IFT88: variants seen among roughly 807,000 people sequenced by gnomAD.
IFT88 encodes the protein intraflagellar transport 88.
Under a neutral mutation model 119.5 loss-of-function variants are expected in IFT88, and 74 were observed. That is an observed-to-expected ratio of 0.62 (90% CI 0.51 to 0.75). IFT88 has a LOEUF of 0.75. Among genes scored for constraint, IFT88 ranks in the 30% least tolerant of loss-of-function variants. The probability of loss-of-function intolerance (pLI) is 0.00; values close to 1 mark genes in which losing one functional copy is unlikely to be tolerated. For missense variants in IFT88, 961 were observed against 977.7 expected (o/e 0.98, Z 0.23); for synonymous variants, 279 against 316.7 (o/e 0.88, Z 1.26).
At chr13:20,599,219 A>G (rs192360621) in intron 10 of IFT88, among the ~76,000 whole-genome samples, 73 of 152,228 alleles carry the variant, frequency 4.8e-4, no homozygotes, top group African/African-American at 1.6e-3. Context: ...GTAAAGCACA[A>G]TAATGTAAAT....
chr13:20,656,216 C>T, intron 21 of IFT88, 149 bp from the exon 22 acceptor site: 3 of 288,122 alleles, frequency 1.0e-5, no homozygotes, highest in Non-Finnish European at 6.7e-6. Context: ...TATACATTTT[C>T]TTCTAAAAGT....
At chr13:20,586,089 CA>C (rs2039613808) in intron 3 of IFT88, among the ~76,000 whole-genome samples, 1 of 152,134 alleles carries the variant, frequency 6.6e-6, no homozygotes, top group South Asian at 2.1e-4. Flanking sequence ...GGTGGGCCTT[CA>C]AAAGATCTTT....
At position 20,644,963 on chromosome 13, in the gene IFT88, G is replaced by C; in HGVS notation, c.1949+5G>C. The C allele has an allele frequency of 7.7e-7, 1 of 1,300,474 alleles. No homozygotes were observed. The highest frequency in any genetic ancestry group is 1.1e-6 in the Non-Finnish European group (1 of 907,826). The allele number at this position is 1,300,474 out of a possible 1,614,324, so 80.6% of individuals were successfully genotyped here. On this transcript the variant is annotated splice_donor_5th_base_variant and intron_variant, in intron 20 of 25. Coordinates refer to ENST00000351808, the MANE Select transcript of IFT88 (RefSeq NM_006531.5). ...TGAAAGAGCTTCTCTTATACAGTAAGTAATCATTAGGATTTTATGTTTAGT... is the reference window on the plus strand; with the variant it reads ...TGAAAGAGCTTCTCTTATACAGTAACTAATCATTAGGATTTTATGTTTAGT...
chr13:20,637,197 A>G (rs998540971), intron 16 of IFT88, among the ~76,000 whole-genome samples: 4 of 152,204 alleles, frequency 2.6e-5, no homozygotes, highest in African/African-American at 9.6e-5. Context: ...GTGGAAGTAG[A>G]TATTGGCAAT....
At chr13:20,636,679 C>T (rs1031929148) in intron 16 of IFT88, among the ~76,000 whole-genome samples, 1 of 152,366 alleles carries the variant, frequency 6.6e-6, no homozygotes, top group South Asian at 2.1e-4. Flanking sequence ...ACTCATGCTT[C>T]ACCATCTCTC....
At chr13:20,686,782 T>C (rs1442770432) in intron 24 of IFT88, among the ~76,000 whole-genome samples, 1 of 152,190 alleles carries the variant, frequency 6.6e-6, no homozygotes, top group Non-Finnish European at 1.5e-5. Context: ...CCATATTCTT[T>C]CTAAATTAGT....
intron 1 of IFT88, chr13:20,567,615 G>T: frequency 2.2e-6 from 1 of 452,172 alleles, no homozygotes; most frequent in Non-Finnish European, 3.0e-6. Context: ...TACTGCGCCA[G>T]CTCTGGAATC....
chr13:20,641,305 A>C lies in IFT88; in HGVS notation c.1589A>C (p.Lys530Thr). The C allele has an allele frequency of 6.2e-7, 1 of 1,608,160 alleles. No homozygotes were observed. Among genetic ancestry groups the C allele is most frequent in the Non-Finnish European group, 8.5e-7 (1 of 1,176,068 alleles). ...TTTTTTTAAGGCCTTACCTATGAGAAACTAAATCGGCTAGATGAGGCTTTG... is the reference window on the plus strand; with the variant it reads ...TTTTTTTAAGGCCTTACCTATGAGACACTAAATCGGCTAGATGAGGCTTTG... ...ALYNIGLTYE[K>T]LNRLDEALDC... Residue 530 changes from lysine (K) to threonine (T), a missense_variant, in exon 18 of 26, where the codon AAA (lysine) becomes ACA (threonine). Transcript: ENST00000351808.
intron 12 of IFT88, among the ~76,000 whole-genome samples, chr13:20,604,189 A>G (rs762438262): frequency 2.6e-5 from 4 of 152,218 alleles, no homozygotes; most frequent in Non-Finnish European, 5.9e-5. Flanking sequence ...GCAGTGACCC[A>G]TGATCATGCC....
chr13:20,579,643 A>G (rs1002599707), intron 2 of IFT88, among the ~76,000 whole-genome samples: 1 of 152,078 alleles, frequency 6.6e-6, no homozygotes. Context: ...GCTCTAACCC[A>G]CTGTGGCTGA....
At chr13:20,616,939 TTTTTTG>T (rs1295614758) in intron 14 of IFT88, among the ~76,000 whole-genome samples, 8 of 152,024 alleles carry the variant, frequency 5.3e-5, no homozygotes, top group African/African-American at 1.9e-4. Flanking sequence ...TTTTTGGTTT[TTTTTTG>T]TTGTTGTTGT....
At chr13:20,582,178 A>G (rs2038820572) in intron 2 of IFT88, among the ~76,000 whole-genome samples, 1 of 152,100 alleles carries the variant, frequency 6.6e-6, no homozygotes, top group African/African-American at 2.4e-5. Context: ...GGATGGTTGG[A>G]AGATTGACTG....
intron 10 of IFT88, among the ~76,000 whole-genome samples, chr13:20,599,135 T>C (rs2042207243): frequency 6.6e-6 from 1 of 152,056 alleles, no homozygotes; most frequent in African/African-American, 2.4e-5. Context: ...ATTATTAAAA[T>C]GTATGTGGCA....
At chr13:20,586,541 A>G (rs947069007) in intron 3 of IFT88, among the ~76,000 whole-genome samples, 11 of 44,406 alleles carry the variant, frequency 2.5e-4, no homozygotes, top group African/African-American at 5.7e-4. Context: ...TGACCTTGAG[A>G]TCAGGAGAAA....
intron 14 of IFT88, among the ~76,000 whole-genome samples, chr13:20,619,006 A>C (rs1371523729): frequency 6.6e-6 from 1 of 151,728 alleles, no homozygotes; most frequent in East Asian, 1.9e-4. Context: ...ACAGGCGCAC[A>C]TTGCCACGCC....
At chr13:20,605,952 C>T (rs1053855220) in intron 13 of IFT88, among the ~76,000 whole-genome samples, 11 of 152,136 alleles carry the variant, frequency 7.2e-5, no homozygotes, top group East Asian at 3.8e-4. Context: ...CCAGCACCTC[C>T]GTGTGTTCAT....
chr13:20,573,822 G>A (rs1197013241), intron 1 of IFT88, among the ~76,000 whole-genome samples: 1 of 152,090 alleles, frequency 6.6e-6, no homozygotes, highest in African/African-American at 2.4e-5. Context: ...AAGCTTCCAT[G>A]AAAATCAGGA....
At chr13:20,590,649 T>G (rs1459000431) in intron 4 of IFT88, among the ~76,000 whole-genome samples, 1 of 152,200 alleles carries the variant, frequency 6.6e-6, no homozygotes, top group Non-Finnish European at 1.5e-5. Context: ...CTAGATATTT[T>G]AGGCTTTGCA....
intron 2 of IFT88, among the ~76,000 whole-genome samples, chr13:20,578,358 C>CTTTTTTTTTTTT (rs1158499742): frequency 2.5e-5 from 2 of 78,748 alleles, no homozygotes; most frequent in African/African-American, 5.2e-5. Context: ...AGTCTTGTTA[C>CTTTTTTTTTTTT]TTTTTTTTTT....
Sources: gnomAD v4.1 joint callset for allele counts (sites outside exome capture counted in the v4.1 genomes callset) on GRCh38, gnomAD v4.1.1 for gene constraint, MANE v1.5 for transcripts, NCBI Gene and HGNC (gene_info 2026-07-23, HGNC 2026-07-21) for gene names.